Variants in UMODL1 observed in about 807,000 individuals in gnomAD.
The protein encoded by UMODL1 is uromodulin like 1, also known as uromodulin-like 1.
In UMODL1, 128 loss-of-function variants were observed where a neutral mutation model predicts 136.3. That is an observed-to-expected ratio of 0.94 (90% confidence interval 0.81 to 1.09). The LOEUF is 1.09. UMODL1 is among the 50% of genes least tolerant of loss of function. The pLI is 0.00. For synonymous variants in UMODL1, 721 were observed against 720.0 expected, an observed-to-expected ratio of 1.00 and a Z score of -0.02; for missense variants, 1,766 against 1,725.6, an observed-to-expected ratio of 1.02 and a Z score of -0.41.
chr21:42,093,920 C>A (rs1232297613), intron 6 of UMODL1: 2 of 456,734 alleles, frequency 4.4e-6, no homozygotes, highest in East Asian at 7.0e-5. Flanking sequence ...CCACATCCCA[C>A]GGCACCCCAC....
chr21:42,126,228 G>A, intron 17 of UMODL1, 117 bp from the exon 18 acceptor site: 1 of 1,448,530 alleles, frequency 6.9e-7, no homozygotes, highest in East Asian at 2.3e-5. Flanking sequence ...CGATGCTGCT[G>A]GGGAGAGGCT....
intron 15 of UMODL1, chr21:42,120,458 T>C (rs530818827): frequency 6.6e-6 from 1 of 152,366 alleles, no homozygotes; most frequent in Non-Finnish European, 1.5e-5. Flanking sequence ...ACAAAGAAGG[T>C]GCTAAGTTAC....
intron 17 of UMODL1, among the ~76,000 whole-genome samples, chr21:42,124,853 T>C (rs2067030819): frequency 1.3e-5 from 2 of 152,012 alleles, no homozygotes. Context: ...GGCTGAGAGT[T>C]CTACATGCAT....
intron 1 of UMODL1, among the ~76,000 whole-genome samples, chr21:42,072,824 C>G (rs997385005): frequency 2.5e-4 from 38 of 152,220 alleles, no homozygotes; most frequent in African/African-American, 8.9e-4. Flanking sequence ...TCTCTGAGAC[C>G]GGAATCCAAG....
rs1293713376 is a variant in UMODL1, at chr21:42,142,560, T to C, written c.*486T>C. On this transcript the variant is annotated 3_prime_UTR_variant, in exon 23 of 23. Transcript: ENST00000408910. ...GACCCGACCGCGCTCTTGATGCTCT[T>C]TCGAAAATAGGTCAGTCTTAGAAAT... The C allele has an allele frequency of 6.6e-6, 1 of 152,242 alleles. No homozygotes were observed. The highest frequency in any genetic ancestry group is 1.5e-5 in the Non-Finnish European group (1 of 68,042). 9.4% of individuals were successfully genotyped at this position (152,242 alleles called of 1,614,324 possible). A position where few individuals can be genotyped will look rare whatever the true frequency, so the allele number is the denominator to read the frequency against.
At chr21:42,064,000 C>T (rs772058057) in intron 1 of UMODL1, among the ~76,000 whole-genome samples, 75 of 152,118 alleles carry the variant, frequency 4.9e-4, no homozygotes, top group African/African-American at 1.6e-3. Context: ...TGGGCTGACT[C>T]GTACATTAGG....
chr21:42,080,598 G>A (rs1046871852), intron 2 of UMODL1, among the ~76,000 whole-genome samples: 1 of 152,190 alleles, frequency 6.6e-6, no homozygotes, highest in Non-Finnish European at 1.5e-5. Context: ...ATGACAACTG[G>A]TGCATTATTT....
At chr21:42,095,013 C>A (rs1489792595) in intron 6 of UMODL1, among the ~76,000 whole-genome samples, 3 of 151,656 alleles carry the variant, frequency 2.0e-5, no homozygotes, top group Non-Finnish European at 4.4e-5. Flanking sequence ...AGAATCCATT[C>A]CTTGCCTCTC....
rs542261228 is a variant in UMODL1, at chr21:42,085,737, C to T, written c.603+325C>T. Among the ~76,000 whole-genome samples, 2 of 152,292 alleles carry T rather than the reference C, an allele frequency of 1.3e-5. No individual in the cohort carries two copies. The highest frequency in any genetic ancestry group is 4.1e-4 in the South Asian group (2 of 4,830). On this transcript the variant is annotated intron_variant, in intron 4 of 22. Transcript: ENST00000408910. This position sits in a 1 kb window ranked among gnomAD's most constrained non-coding sequence, Gnocchi z 4.5. Reference sequence around the variant, plus strand: ...GCAGTCCCAGCAAAGACAGCCTAAGCCCCGAGCTCTTCCCTCACCACCCTC... The same window carrying T: ...GCAGTCCCAGCAAAGACAGCCTAAGTCCCGAGCTCTTCCCTCACCACCCTC...
rs58764222 is a variant in UMODL1 at position 42,095,089 on chromosome 21, G to GTTTTTTTTTTTTTTTTTTT, written c.932-3832_932-3814dup. ...CATCACTCCTTTGTTTTCTTCTGCT[G>GTTTTTTTTTTTTTTTTTTT]TTTTTTTTTTTTTTTTTTTTTTTGA... is the stretch of plus-strand genomic sequence containing the variant. On this transcript the variant is annotated intron_variant, in intron 6 of 22. Coordinates refer to ENST00000408910, the MANE Select transcript of UMODL1 (RefSeq NM_001004416.3). Among the ~76,000 whole-genome samples, 35 of 61,202 alleles carry GTTTTTTTTTTTTTTTTTTT rather than the reference G, an allele frequency of 5.7e-4. 3 individuals are homozygous for GTTTTTTTTTTTTTTTTTTT. Among genetic ancestry groups the GTTTTTTTTTTTTTTTTTTT allele is most frequent in the East Asian group, 1.1e-3 (2 of 1,816 alleles). 40.2% of individuals were successfully genotyped at this position (61,202 alleles called of 152,430 possible).
rs575062025 is a variant in UMODL1 at position 42,084,322 on chromosome 21, G to A, written c.481+77G>A. The A allele has an allele frequency of 1.7e-5, 25 of 1,475,534 alleles. 1 individual carries two copies. The South Asian group carries it at 1.7e-4, about 10-fold the overall frequency. The allele number at this position is 1,475,534 out of a possible 1,614,324, so 91.4% of individuals were successfully genotyped here. A position where few individuals can be genotyped will look rare whatever the true frequency, so the allele number is the denominator to read the frequency against. ...TGAGGCCTGATCTGTGTGAAGGTGTGGGGGGGAGTGTGTTTCTAGGAGCAG... is the reference window on the plus strand; with the variant it reads ...TGAGGCCTGATCTGTGTGAAGGTGTAGGGGGGAGTGTGTTTCTAGGAGCAG... On this transcript the variant is annotated intron_variant, in intron 3 of 22. Coordinates refer to ENST00000408910, the MANE Select transcript of UMODL1 (RefSeq NM_001004416.3).
In UMODL1 at chr21:42,129,710, CAG is replaced by C. The variant is rs1049933829; in HGVS notation, c.3691-1_3691del. 5 of 1,551,130 alleles carry C rather than the reference CAG, an allele frequency of 3.2e-6. No homozygotes were observed. The highest frequency in any genetic ancestry group is 2.8e-5 in the African/African-American group (2 of 71,008). ...GTTTCTCTTCTTGGAAAAAAAAAAA[CAG>C]AATTGCAATAACTTTCGGTTGCTGC... is the stretch of plus-strand genomic sequence containing the variant. On this transcript the variant is annotated splice_acceptor_variant, in intron 20 of 22. Coordinates refer to ENST00000408910, the MANE Select transcript of UMODL1 (RefSeq NM_001004416.3). LOFTEE classifies it high-confidence loss of function.
Position 42,085,226 on chromosome 21 carries a change from C to G in UMODL1, c.482-65C>G. 4.4e-6 allele frequency: 7 copies of G among 1,576,672 alleles called. No individual in the cohort carries two copies. The highest frequency in any genetic ancestry group is 6.0e-6 in the Non-Finnish European group (7 of 1,158,406). ...TTCCCTCTCCTGCCCCCTCTCCCAC[C>G]CCAGCAGCTTTTGTGACTTCAACCT... On this transcript the variant is annotated intron_variant, in intron 3 of 22. Transcript: ENST00000408910. This position sits in a 1 kb window ranked among gnomAD's most constrained non-coding sequence, Gnocchi z 4.5.
At chr21:42,081,197 G>A (rs1440601111) in intron 2 of UMODL1, among the ~76,000 whole-genome samples, 1 of 152,200 alleles carries the variant, frequency 6.6e-6, no homozygotes, top group African/African-American at 2.4e-5. Flanking sequence ...CCCGCATGCT[G>A]ATGACCAGGG....
chr21:42,070,147 G>A (rs2066217156), upstream of UMODL1, among the ~76,000 whole-genome samples: 1 of 152,194 alleles, frequency 6.6e-6, no homozygotes, highest in South Asian at 2.1e-4. Flanking sequence ...GTTGGTGCGG[G>A]AGTTAGGCGA....
rs772109661 is a variant in UMODL1, at chr21:42,127,165, G to A, written c.3453G>A (p.Lys1151=). 8.1e-6 allele frequency: 13 copies of A among 1,614,048 alleles called. No homozygotes were observed. Among genetic ancestry groups the A allele is most frequent in the Admixed American group, 6.7e-5 (4 of 60,004 alleles). ...VGLYRQKSNL[K]VVLTECWATP... ...TCTACAGGCAGAAAAGCAACCTCAA[G>A]GTGGTCCTGACGGAGTGCTGGGCAA... The change falls in exon 19 of 23, where the codon AAG becomes AAA. Residue 1151 remains lysine, a synonymous_variant. Coordinates refer to ENST00000408910, the MANE Select transcript of UMODL1 (RefSeq NM_001004416.3).
At chr21:42,128,592 T>G (rs2067093458) in intron 20 of UMODL1, among the ~76,000 whole-genome samples, 1 of 152,212 alleles carries the variant, frequency 6.6e-6, no homozygotes, top group African/African-American at 2.4e-5. Context: ...CATGTCTGTT[T>G]TGCTCAAACA....
chr21:42,140,691 A>C (rs1393586317), intron 22 of UMODL1, among the ~76,000 whole-genome samples: 1 of 101,234 alleles, frequency 9.9e-6, no homozygotes, highest in Non-Finnish European at 2.2e-5. Flanking sequence ...GTCCCAGTTG[A>C]GAGGCAGCAA....
At position 42,127,102 on chromosome 21, in the gene UMODL1, C is replaced by T. The variant is rs767720361; in HGVS notation, c.3390C>T (p.Ser1130=). 18 of 1,614,044 alleles carry T rather than the reference C, an allele frequency of 1.1e-5. No individual in the cohort carries two copies. Among genetic ancestry groups the T allele is most frequent in the African/African-American group, 4.0e-5 (3 of 74,922 alleles). The change falls in exon 19 of 23, where the codon AGC becomes AGT. Residue 1130 remains serine, a synonymous_variant. Coordinates refer to ENST00000408910, the MANE Select transcript of UMODL1 (RefSeq NM_001004416.3). ...IGDSPIPQNY[S]VSASDDVRIE... is the part of the protein sequence containing the mutation. ...ACTCTCCCATACCTCAGAATTATAG[C>T]GTGTCTGCCAGTGACGATGTCAGGA...
Sources: allele counts gnomAD v4.1 joint callset (sites outside exome capture counted in the v4.1 genomes callset), GRCh38; gene constraint gnomAD v4.1.1; non-coding constraint Gnocchi (gnomAD v3.1); transcripts MANE v1.5; gene names NCBI Gene and HGNC (gene_info 2026-07-23, HGNC 2026-07-21).